The following DEPTOR variants were observed in gnomAD, a reference collection of about 807,000 sequenced individuals.
DEPTOR encodes the protein DEP domain-containing mTOR-interacting protein.
DEPTOR carries 41 observed loss-of-function variants against 41.6 expected under a neutral mutation model. The ratio of observed to expected loss-of-function variants is 0.98; its 90% CI spans 0.77 to 1.28. The LOEUF (loss-of-function observed/expected upper bound fraction) is 1.28, where lower values mean the gene tolerates loss of function less well. Among genes scored for constraint, DEPTOR ranks in the 50% most tolerant of loss-of-function variants. DEPTOR has a pLI of 0.00. For missense variants in DEPTOR, 514 were observed against 527.9 expected (o/e 0.97, Z 0.26); for synonymous variants, 195 against 192.3 (o/e 1.01, Z -0.12).
chr8:119,976,456 C>G (rs891756223), intron 4 of DEPTOR, among the ~76,000 whole-genome samples: 1 of 152,142 alleles, frequency 6.6e-6, no homozygotes, highest in South Asian at 2.1e-4. Flanking sequence ...TTACTGAGGA[C>G]TTGGCCTTTG....
At chr8:120,010,116 C>T (rs72673686) in intron 8 of DEPTOR, among the ~76,000 whole-genome samples, 2,949 of 151,880 alleles carry the variant, frequency 0.019, 29 homozygotes, top group Middle Eastern at 0.061. Flanking sequence ...GCTACTAGCT[C>T]GTTGACTTTG....
At chr8:120,024,453 ACT>A (rs1399833340) in intron 8 of DEPTOR, among the ~76,000 whole-genome samples, 1 of 151,992 alleles carries the variant, frequency 6.6e-6, no homozygotes, top group African/African-American at 2.4e-5. Flanking sequence ...TCAAAATCTG[ACT>A]CTCTTTGGAA....
intron 1 of DEPTOR, among the ~76,000 whole-genome samples, chr8:119,887,801 G>C (rs570288792): frequency 1.3e-5 from 2 of 151,190 alleles, no homozygotes; most frequent in South Asian, 4.2e-4. Flanking sequence ...CACTGCAGCT[G>C]TTTTTGTTTT....
intron 4 of DEPTOR, among the ~76,000 whole-genome samples, chr8:119,995,017 G>A (rs1812238444): frequency 6.6e-6 from 1 of 151,638 alleles, no homozygotes; most frequent in Non-Finnish European, 1.5e-5. Flanking sequence ...AAAAAGAAAG[G>A]CAGAAAAGAT....
intron 4 of DEPTOR, among the ~76,000 whole-genome samples, chr8:119,981,176 C>A (rs970714348): frequency 1.3e-5 from 2 of 152,142 alleles, no homozygotes; most frequent in African/African-American, 4.8e-5. Flanking sequence ...AACAGGTTCT[C>A]CTAAAGAATC....
intron 1 of DEPTOR, among the ~76,000 whole-genome samples, chr8:119,924,291 G>A (rs1413853388): frequency 6.6e-6 from 1 of 152,144 alleles, no homozygotes; most frequent in Non-Finnish European, 1.5e-5. Context: ...TTGAGTTTGG[G>A]AGGCTTCACT....
chr8:120,027,712 A>C (rs1812820490), intron 8 of DEPTOR, among the ~76,000 whole-genome samples: 1 of 152,072 alleles, frequency 6.6e-6, no homozygotes, highest in South Asian at 2.1e-4. Context: ...GCTCAAAAAA[A>C]AAAAAGAGTA....
intron 3 of DEPTOR, among the ~76,000 whole-genome samples, chr8:119,936,137 C>T (rs1828110339): frequency 6.6e-6 from 1 of 151,918 alleles, no homozygotes; most frequent in Admixed American, 6.6e-5. Flanking sequence ...AGCCCGTATG[C>T]CATTAGATGT....
At chr8:119,911,412 G>A (rs547514959) in intron 1 of DEPTOR, among the ~76,000 whole-genome samples, 127 of 148,672 alleles carry the variant, frequency 8.5e-4, no homozygotes, top group African/African-American at 3.1e-3. Context: ...TCCGTCTCCC[G>A]GGTTCAAGCG....
At chr8:119,981,301 T>A (rs1486201141) in intron 4 of DEPTOR, among the ~76,000 whole-genome samples, 1 of 152,236 alleles carries the variant, frequency 6.6e-6, no homozygotes, top group Non-Finnish European at 1.5e-5. Context: ...GCAGCTTAAA[T>A]TTTCTACTTT....
chr8:120,009,010 T>C lies in DEPTOR; in HGVS notation c.997-19T>C. 1 of 1,613,094 alleles carries C rather than the reference T, an allele frequency of 6.2e-7. No homozygotes were observed. Among genetic ancestry groups the C allele is most frequent in the Non-Finnish European group, 8.5e-7 (1 of 1,179,392 alleles). ...CCGGAGACAGTCGGCTGCTTGCTAATTGTGGTTTTCCTCTCTAGATTGTTG... is the reference window on the plus strand; with the variant it reads ...CCGGAGACAGTCGGCTGCTTGCTAACTGTGGTTTTCCTCTCTAGATTGTTG... On this transcript the variant is annotated intron_variant, in intron 7 of 8. Coordinates refer to ENST00000286234, the MANE Select transcript of DEPTOR (RefSeq NM_022783.4).
chr8:119,893,661 T>C (rs548148117), intron 1 of DEPTOR, among the ~76,000 whole-genome samples: 126 of 152,246 alleles, frequency 8.3e-4, no homozygotes, highest in African/African-American at 2.9e-3. Context: ...AAACCCTGTC[T>C]TTACTAAAAA....
intron 3 of DEPTOR, among the ~76,000 whole-genome samples, chr8:119,935,837 T>C (rs975509647): frequency 5.3e-5 from 8 of 152,118 alleles, no homozygotes; most frequent in African/African-American, 1.9e-4. Flanking sequence ...GAGGTACAAT[T>C]TGGTTTTTCC....
chr8:120,032,211 CTTTTTTTTTTTT>C (rs60003356), intron 8 of DEPTOR, among the ~76,000 whole-genome samples: 3 of 120,920 alleles, frequency 2.5e-5, no homozygotes, highest in South Asian at 2.6e-4. Flanking sequence ...CACTAACTTT[CTTTTTTTTTTTT>C]TTTTTTTTTT....
chr8:119,966,263 A>G (rs918767544), intron 4 of DEPTOR, among the ~76,000 whole-genome samples: 1 of 152,146 alleles, frequency 6.6e-6, no homozygotes, highest in Non-Finnish European at 1.5e-5. Context: ...TGAGGAGTTC[A>G]AGACCAGCCT....
At chr8:119,953,035 G>A (rs983614668) in intron 3 of DEPTOR, among the ~76,000 whole-genome samples, 1 of 152,134 alleles carries the variant, frequency 6.6e-6, no homozygotes. Context: ...TGTAACATGT[G>A]CTCTATAGAC....
chr8:119,890,951 G>A (rs1827444542), intron 1 of DEPTOR, among the ~76,000 whole-genome samples: 1 of 152,146 alleles, frequency 6.6e-6, no homozygotes, highest in South Asian at 2.1e-4. Context: ...AAAGACATAT[G>A]CATTTAGGTA....
intron 8 of DEPTOR, among the ~76,000 whole-genome samples, chr8:120,015,260 T>C (rs76065318): frequency 0.017 from 2,533 of 152,332 alleles, 23 homozygotes; most frequent in Non-Finnish European, 0.027. Context: ...TAGGGCTGAA[T>C]AGCTGGTTCC....
intron 4 of DEPTOR, among the ~76,000 whole-genome samples, chr8:119,974,989 G>A (rs75334524): frequency 0.058 from 8,837 of 152,036 alleles, 307 homozygotes; most frequent in South Asian, 0.17. Flanking sequence ...GGTGCAGAGA[G>A]GGAGAGACCT....
Sources: gnomAD v4.1 joint callset for allele counts (sites outside exome capture counted in the v4.1 genomes callset) on GRCh38, gnomAD v4.1.1 for gene constraint, MANE v1.5 for transcripts, NCBI Gene and HGNC (gene_info 2026-07-23, HGNC 2026-07-21) for gene names.